Variants in CNTN4 observed in about 807,000 individuals in gnomAD.
The protein encoded by CNTN4 is contactin 4.
Under a neutral mutation model 122.5 loss-of-function variants are expected in CNTN4, and 77 were observed. That is an observed-to-expected ratio of 0.63 (90% confidence interval 0.52 to 0.76). The LOEUF (loss-of-function observed/expected upper bound fraction) is 0.76. Among genes scored for constraint, CNTN4 ranks in the 30% least tolerant of loss-of-function variants. The pLI is 0.00. For missense variants in CNTN4, 1,256 were observed against 1,259.1 expected, an observed-to-expected ratio of 1.00 and a Z score of 0.04; for synonymous variants, 512 against 447.0, an observed-to-expected ratio of 1.15 and a Z score of -1.83.
intron 3 of CNTN4, among the ~76,000 whole-genome samples, chr3:2,510,602 C>T (rs1265821876): frequency 2.0e-5 from 3 of 152,110 alleles, no homozygotes; most frequent in Non-Finnish European, 4.4e-5. Flanking sequence ...GTTTTATATC[C>T]ATAACCCAGA....
intron 2 of CNTN4, among the ~76,000 whole-genome samples, chr3:2,332,610 T>A: frequency 6.6e-6 from 1 of 151,708 alleles, no homozygotes; most frequent in African/African-American, 2.4e-5. Flanking sequence ...ATAAGACTTT[T>A]ATATATAAGA....
intron 4 of CNTN4, among the ~76,000 whole-genome samples, chr3:2,666,746 C>G (rs895922211): frequency 9.0e-6 from 1 of 111,298 alleles, no homozygotes; most frequent in Non-Finnish European, 1.7e-5. Context: ...CTCCCCCCTC[C>G]CCCCACCCCA....
At position 2,295,405 on chromosome 3, in the gene CNTN4, G is replaced by T. The variant is rs888804754; in HGVS notation, c.-144-43773G>T. 7.2e-4 allele frequency among the ~76,000 whole-genome samples: 97 copies of T among 135,012 alleles called. 9 individuals carry two copies. The highest frequency in any genetic ancestry group is 2.7e-3 in the African/African-American group (94 of 34,290). 88.6% of individuals were successfully genotyped at this position (135,012 alleles called of 152,430 possible). ...TGAGATGGTATCTCATTGTGGTTTT[G>T]ATTTGCATTTCTCTGATATCCAGTG... On this transcript the variant is annotated intron_variant, in intron 2 of 24. Coordinates refer to ENST00000418658, the MANE Select transcript of CNTN4 (RefSeq NM_175607.3).
At chr3:2,865,196 TC>T (rs2093711258) in intron 7 of CNTN4, among the ~76,000 whole-genome samples, 1 of 152,234 alleles carries the variant, frequency 6.6e-6, no homozygotes, top group Admixed American at 6.5e-5. Flanking sequence ...TTAGCCATTC[TC>T]ATATAAACAT....
chr3:2,156,010 C>A (rs546891413), intron 2 of CNTN4, among the ~76,000 whole-genome samples: 4 of 152,138 alleles, frequency 2.6e-5, no homozygotes, highest in Non-Finnish European at 5.9e-5. Context: ...GTTGCTTTTT[C>A]TCTTCTCCAG....
chr3:2,318,593 G>A (rs1023378795), intron 2 of CNTN4, among the ~76,000 whole-genome samples: 1 of 152,190 alleles, frequency 6.6e-6, no homozygotes, highest in East Asian at 1.9e-4. Context: ...TACTGTCTCT[G>A]TGTGCAGATT....
intron 2 of CNTN4, among the ~76,000 whole-genome samples, chr3:2,332,045 C>G (rs1055143443): frequency 4.6e-5 from 7 of 152,136 alleles, no homozygotes; most frequent in African/African-American, 9.7e-5. Flanking sequence ...CTTTTTCAGT[C>G]TCTTGAACCT....
At chr3:2,576,125 ACG>A (rs2079671660) in intron 4 of CNTN4, among the ~76,000 whole-genome samples, 2 of 151,820 alleles carry the variant, frequency 1.3e-5, no homozygotes, top group East Asian at 1.9e-4. Context: ...GTGAGCCACC[ACG>A]CCCAGCCGCT....
intron 7 of CNTN4, among the ~76,000 whole-genome samples, chr3:2,855,372 G>A (rs9867619): frequency 0.45 from 67,808 of 152,038 alleles, 15,302 homozygotes; most frequent in African/African-American, 0.5. Flanking sequence ...AATAGCTTAT[G>A]TAATTTTCTA....
chr3:2,421,961 T>C (rs961345571), intron 3 of CNTN4, among the ~76,000 whole-genome samples: 8 of 145,640 alleles, frequency 5.5e-5, no homozygotes, highest in Middle Eastern at 3.6e-3. Flanking sequence ...ATGTCATTCA[T>C]AAAAAAAAAA....
chr3:2,312,131 A>T (rs1428354691), intron 2 of CNTN4, among the ~76,000 whole-genome samples: 2 of 151,970 alleles, frequency 1.3e-5, no homozygotes, highest in Non-Finnish European at 2.9e-5. Context: ...TGAGTAACAT[A>T]GTGGGACCTT....
chr3:2,752,651 G>A lies in CNTN4; in HGVS notation c.358+6954G>A, dbSNP rs368192629. ...CAGGCGTGAGCCACCGTGCCCAGCT[G>A]AGTAAATTGTTCTTAACTGTAGTCA... is the stretch of plus-strand genomic sequence containing the variant. On this transcript the variant is annotated intron_variant, in intron 6 of 24. Transcript: ENST00000418658. Among the ~76,000 whole-genome samples the A allele has an allele frequency of 6.6e-5, 10 of 152,158 alleles. No individual in the cohort carries two copies. The East Asian group carries it at 1.6e-3, about 24-fold the overall frequency.
Position 2,846,352 on chromosome 3 carries a change from C to G in CNTN4, c.455-20400C>G, listed in dbSNP as rs186235593. On this transcript the variant is annotated intron_variant, in intron 7 of 24. Transcript: ENST00000418658. ...TTTATAAGGGGCTTTCCCCTTCCTT[C>G]GCTTTCATTGTCCTTCCTGCCACCA... 2.1e-3 allele frequency among the ~76,000 whole-genome samples: 326 copies of G among 152,232 alleles called. 2 individuals carry two copies. The highest frequency in any genetic ancestry group is 5.0e-3 in the Admixed American group (76 of 15,288).
chr3:2,311,667 A>C (rs2150142572), intron 2 of CNTN4, among the ~76,000 whole-genome samples: 1 of 152,206 alleles, frequency 6.6e-6, no homozygotes, highest in Non-Finnish European at 1.5e-5. Flanking sequence ...CGGCATGCTA[A>C]GAGTAGTTTG....
rs551286189 is a variant in CNTN4, at chr3:2,220,862, GA to G, written c.-144-118310del. ...TAGGTATCCAAGGAGACTGACTCTG[GA>G]AAAAACATGAATTAGAACTCAGATT... On this transcript the variant is annotated intron_variant, in intron 2 of 24. Transcript: ENST00000418658. Among the ~76,000 whole-genome samples the G allele has an allele frequency of 4.6e-5, 7 of 151,898 alleles. No homozygotes were observed. In the South Asian group the frequency reaches 1.5e-3, roughly 31 times the overall value.
intron 2 of CNTN4, among the ~76,000 whole-genome samples, chr3:2,140,622 C>T (rs2034945531): frequency 1.3e-5 from 2 of 152,124 alleles, no homozygotes; most frequent in Admixed American, 6.6e-5. Flanking sequence ...CCCCCAAAGC[C>T]CCAACTCCTA....
At chr3:2,488,096 A>G (rs116127624) in intron 3 of CNTN4, among the ~76,000 whole-genome samples, 1,600 of 152,272 alleles carry the variant, frequency 0.011, 31 homozygotes, top group African/African-American at 0.036. Flanking sequence ...ATACACATTT[A>G]CTTCCTTGGG....
intron 2 of CNTN4, among the ~76,000 whole-genome samples, chr3:2,259,285 A>G (rs1195669313): frequency 6.6e-6 from 1 of 152,222 alleles, no homozygotes; most frequent in Non-Finnish European, 1.5e-5. Context: ...AATCGTCACT[A>G]ATGTTGAAGA....
At chr3:2,810,861 G>T (rs1245490768) in intron 6 of CNTN4, among the ~76,000 whole-genome samples, 1 of 152,146 alleles carries the variant, frequency 6.6e-6, no homozygotes, top group African/African-American at 2.4e-5. Flanking sequence ...TATGACCGAA[G>T]AGGGTGACAA....
Sources: allele counts gnomAD v4.1 joint callset (sites outside exome capture counted in the v4.1 genomes callset), GRCh38; gene constraint gnomAD v4.1.1; transcripts MANE v1.5; gene names NCBI Gene and HGNC (gene_info 2026-07-23, HGNC 2026-07-21).